The following MAST4 variants were observed in gnomAD, a reference collection of about 807,000 sequenced individuals.
MAST4 encodes microtubule-associated serine/threonine-protein kinase 4.
In MAST4, 89 loss-of-function variants were observed where a neutral mutation model predicts 162.7. That is an observed-to-expected ratio of 0.55 (90% CI 0.46 to 0.65). The LOEUF is 0.65. Among genes scored for constraint, MAST4 ranks in the 30% least tolerant of loss-of-function variants. The pLI, the probability that MAST4 is intolerant of heterozygous loss-of-function variation, is 0.00. For missense variants in MAST4, 3,153 were observed against 3,374.0 expected, an observed-to-expected ratio of 0.93 and a Z score of 1.62; for synonymous variants, 1,479 against 1,361.1, an observed-to-expected ratio of 1.09 and a Z score of -1.91.
intron 4 of MAST4, among the ~76,000 whole-genome samples, chr5:66,936,438 G>A (rs548616462): frequency 1.1e-4 from 16 of 152,302 alleles, no homozygotes; most frequent in Admixed American, 3.3e-4. Context: ...GGGTGCAGGC[G>A]GGCTAAGTCC....
chr5:66,764,876 G>A (rs1480672227), intron 2 of MAST4, among the ~76,000 whole-genome samples: 6 of 151,992 alleles, frequency 3.9e-5, no homozygotes, highest in South Asian at 2.1e-4. Context: ...TAAAGTCTAC[G>A]GTGATGTCCT....
intron 1 of MAST4, among the ~76,000 whole-genome samples, chr5:66,617,963 T>A (rs147012900): frequency 7.5e-4 from 114 of 151,746 alleles, no homozygotes; most frequent in African/African-American, 2.7e-3. Context: ...GGTCCCTGCT[T>A]TGACTCCATT....
At chr5:66,786,124 C>T (rs763084603) in intron 2 of MAST4, among the ~76,000 whole-genome samples, 9 of 152,302 alleles carry the variant, frequency 5.9e-5, no homozygotes, top group Middle Eastern at 3.4e-3. Flanking sequence ...TCACCTCGGC[C>T]TCCCAAAGTG....
At chr5:67,065,136 T>C (rs1215755151) in intron 5 of MAST4, among the ~76,000 whole-genome samples, 2 of 152,192 alleles carry the variant, frequency 1.3e-5, no homozygotes, top group Non-Finnish European at 2.9e-5. Flanking sequence ...AATTTTCTCA[T>C]CTGCTAGTTG....
intron 6 of MAST4, 27 bp from the exon 7 acceptor site, chr5:67,095,570 C>G (rs367960510): frequency 6.3e-7 from 1 of 1,580,530 alleles, no homozygotes; most frequent in African/African-American, 1.4e-5. Context: ...CCAGTGTTGG[C>G]CTAAGCTAAA....
rs553190669 is a variant in MAST4 at position 67,012,497 on chromosome 5, A to G, written c.675-41907A>G. On this transcript the variant is annotated intron_variant, in intron 4 of 28. Coordinates refer to ENST00000403625, the MANE Select transcript of MAST4 (RefSeq NM_001164664.2). ...TAACTAGTCATTTGGGAGTGACATC[A>G]TGGTAACTGAGTAATCCTTTTGAAA... Among the ~76,000 whole-genome samples the G allele has an allele frequency of 2.6e-5, 4 of 152,318 alleles. No individual in the cohort carries two copies. In the South Asian group the frequency reaches 8.3e-4, roughly 32 times the overall value.
chr5:66,754,674 T>A (rs1208131688), intron 1 of MAST4, among the ~76,000 whole-genome samples: 1 of 152,132 alleles, frequency 6.6e-6, no homozygotes, highest in Non-Finnish European at 1.5e-5. Flanking sequence ...CAAAACAATA[T>A]AGTGCATAAT....
In MAST4 at chr5:67,152,875, T is replaced by C; in HGVS notation, c.3525+9T>C. On this transcript the variant is annotated intron_variant, in intron 25 of 28. Coordinates refer to ENST00000403625, the MANE Select transcript of MAST4 (RefSeq NM_001164664.2). ...TGCACCATATCGTCTGGGTAAGACC[T>C]GCATGTCTCGCACTTGGGATTTTTC... The C allele has an allele frequency of 6.2e-7, 1 of 1,601,442 alleles. No homozygotes were observed. The highest frequency in any genetic ancestry group is 1.1e-5 in the South Asian group (1 of 90,680).
At chr5:67,127,468 C>T (rs748638834) in intron 14 of MAST4, among the ~76,000 whole-genome samples, 12 of 152,132 alleles carry the variant, frequency 7.9e-5, no homozygotes, top group Non-Finnish European at 1.3e-4. Context: ...TGTTGAAGGC[C>T]TTTTCTGCAT....
rs539209149 is a variant in MAST4 at position 66,729,577 on chromosome 5, A to G, written c.364-30132A>G. Among the ~76,000 whole-genome samples, 64 of 152,266 alleles carry G rather than the reference A, an allele frequency of 4.2e-4. No homozygotes were observed. The South Asian group carries it at 0.011, about 26-fold the overall frequency. ...CTCTATTGATTTATACCTCACATCAATGCTGCATATTGAGGGCCTCTTATT... is the reference window on the plus strand; with the variant it reads ...CTCTATTGATTTATACCTCACATCAGTGCTGCATATTGAGGGCCTCTTATT... On this transcript the variant is annotated intron_variant, in intron 1 of 28. Transcript: ENST00000403625.
At chr5:67,124,378 T>C (rs940178278) in intron 14 of MAST4, among the ~76,000 whole-genome samples, 2 of 152,176 alleles carry the variant, frequency 1.3e-5, no homozygotes, top group African/African-American at 4.8e-5. Context: ...GTGTTACATG[T>C]CTGGCTGTCG....
At chr5:66,809,186 A>G (rs1160884519) in intron 3 of MAST4, among the ~76,000 whole-genome samples, 1 of 152,202 alleles carries the variant, frequency 6.6e-6, no homozygotes, top group Non-Finnish European at 1.5e-5. Context: ...TGGTGTTCAG[A>G]CAGTTGGCTT....
intron 4 of MAST4, among the ~76,000 whole-genome samples, chr5:66,924,895 G>A (rs1397158803): frequency 1.3e-5 from 2 of 152,052 alleles, no homozygotes; most frequent in South Asian, 2.1e-4. Flanking sequence ...AGTACTTTCA[G>A]TGTTACAGTC....
chr5:66,642,008 T>A (rs1745519894), intron 1 of MAST4, among the ~76,000 whole-genome samples: 1 of 152,220 alleles, frequency 6.6e-6, no homozygotes, highest in East Asian at 1.9e-4. Flanking sequence ...TTGATACATT[T>A]AGAATATTAC....
At chr5:66,901,971 A>G (rs1763038745) in intron 4 of MAST4, among the ~76,000 whole-genome samples, 1 of 152,162 alleles carries the variant, frequency 6.6e-6, no homozygotes, top group Admixed American at 6.5e-5. Context: ...TACAAATCTA[A>G]TGAAGAAAGG....
At chr5:67,051,897 A>C (rs1758232827) in intron 4 of MAST4, among the ~76,000 whole-genome samples, 1 of 152,168 alleles carries the variant, frequency 6.6e-6, no homozygotes, top group Non-Finnish European at 1.5e-5. Flanking sequence ...TTGATGTTTA[A>C]AAGTTTTCTA....
Position 67,164,350 on chromosome 5 carries a change from G to A in MAST4, c.5171G>A (p.Arg1724Gln), listed in dbSNP as rs777714145. The A allele has an allele frequency of 1.9e-6, 3 of 1,613,932 alleles. No individual in the cohort carries two copies. The highest frequency in any genetic ancestry group is 2.5e-6 in the Non-Finnish European group (3 of 1,179,852). ...SHECLPGNPV[R>Q]PTGGQQEPPP... is the part of the protein sequence containing the mutation. The stretch of plus-strand genomic sequence containing the variant: ...GAATGCCTGCCAGGGAACCCAGTCC[G>A]ACCCACGGGTGGGCAGCAGGAGCCC... The change falls in exon 29 of 29, where the codon CGA becomes CAA. Residue 1724 changes from arginine to glutamine, a missense_variant. Transcript: ENST00000403625. This position sits in a 1 kb window ranked among gnomAD's most constrained non-coding sequence, Gnocchi z 5.3.
chr5:67,072,750 T>A (rs1761132502), intron 5 of MAST4, among the ~76,000 whole-genome samples: 1 of 151,990 alleles, frequency 6.6e-6, no homozygotes, highest in South Asian at 2.1e-4. Flanking sequence ...GAGAAAGGAG[T>A]GATATTCTGT....
intron 3 of MAST4, among the ~76,000 whole-genome samples, chr5:66,798,376 A>G (rs890744370): frequency 2.6e-5 from 4 of 152,216 alleles, no homozygotes; most frequent in East Asian, 3.9e-4. Context: ...ATGTAGAGGC[A>G]TAAAGCCCTT....
Sources: gnomAD v4.1 joint callset for allele counts (sites outside exome capture counted in the v4.1 genomes callset) on GRCh38, gnomAD v4.1.1 for gene constraint, Gnocchi (gnomAD v3.1) non-coding constraint, MANE v1.5 for transcripts, NCBI Gene and HGNC (gene_info 2026-07-23, HGNC 2026-07-21) for gene names.